PDZRN3: variants seen among roughly 807,000 people sequenced by gnomAD.
The protein encoded by PDZRN3 is E3 ubiquitin-protein ligase PDZRN3.
PDZRN3 carries 38 observed loss-of-function variants against 85.7 expected under a neutral mutation model. That is an observed-to-expected ratio of 0.44 (90% CI 0.34 to 0.58). PDZRN3 has a LOEUF of 0.58. Among genes scored for constraint, PDZRN3 ranks in the 20% least tolerant of loss-of-function variants. The probability of loss-of-function intolerance (pLI) is 0.01; values close to 1 mark genes in which losing one functional copy is unlikely to be tolerated. For missense variants in PDZRN3, 1,629 were observed against 1,506.4 expected, an observed-to-expected ratio of 1.08 and a Z score of -1.35; for synonymous variants, 759 against 638.0, an observed-to-expected ratio of 1.19 and a Z score of -2.86.
intron 3 of PDZRN3, among the ~76,000 whole-genome samples, chr3:73,466,155 C>T (rs542372703): frequency 6.6e-6 from 1 of 152,242 alleles, no homozygotes; most frequent in South Asian, 2.1e-4. Flanking sequence ...CTGTAATTGG[C>T]AGTTCCATTT....
chr3:73,568,663 C>T (rs912351170), intron 3 of PDZRN3, among the ~76,000 whole-genome samples: 1 of 152,204 alleles, frequency 6.6e-6, no homozygotes, highest in Non-Finnish European at 1.5e-5. Flanking sequence ...TAGCACATGG[C>T]AGCAGAGGCA....
intron 7 of PDZRN3, among the ~76,000 whole-genome samples, chr3:73,389,322 G>C (rs1701469815): frequency 6.6e-6 from 1 of 152,152 alleles, no homozygotes; most frequent in African/African-American, 2.4e-5. Context: ...GCGATTCCAG[G>C]ATGGTTAGAT....
intron 3 of PDZRN3, among the ~76,000 whole-genome samples, chr3:73,439,965 T>C (rs561077474): frequency 6.6e-6 from 1 of 152,236 alleles, no homozygotes; most frequent in Non-Finnish European, 1.5e-5. Flanking sequence ...CTTGAACTCC[T>C]GACCTCAAAT....
chr3:73,608,792 A>G, intron 1 of PDZRN3, 108 bp from the exon 2 acceptor site: 1 of 687,130 alleles, frequency 1.5e-6, no homozygotes, highest in Non-Finnish European at 2.5e-6. Context: ...AATCATTACA[A>G]ATCCTGTTAT....
At chr3:73,609,814 A>T (rs1266274199) in intron 1 of PDZRN3, among the ~76,000 whole-genome samples, 2 of 152,312 alleles carry the variant, frequency 1.3e-5, no homozygotes, top group East Asian at 3.9e-4. Flanking sequence ...GCATGAATGC[A>T]ACTCTCTGAC....
intron 3 of PDZRN3, among the ~76,000 whole-genome samples, chr3:73,524,147 T>C (rs1294597926): frequency 6.6e-6 from 1 of 152,168 alleles, no homozygotes; most frequent in African/African-American, 2.4e-5. Flanking sequence ...CTATTTAATA[T>C]AGAATCCTGC....
intron 3 of PDZRN3, among the ~76,000 whole-genome samples, chr3:73,504,147 T>A (rs1704031229): frequency 6.6e-6 from 1 of 152,236 alleles, no homozygotes; most frequent in Admixed American, 6.5e-5. Context: ...TCTCTCCAGA[T>A]GCCCACCTGA....
At position 73,424,098 on chromosome 3, in the gene PDZRN3, G is replaced by A. The variant is rs377136896; in HGVS notation, c.919-19703C>T. On this transcript the variant is annotated intron_variant, in intron 3 of 9. Transcript: ENST00000263666. ...ACAAAATTTATATAAAACTTTGGGAGGAAAATATAAGTAAATATCTTTCTG... is the reference window on the plus strand; with the variant it reads ...ACAAAATTTATATAAAACTTTGGGAAGAAAATATAAGTAAATATCTTTCTG... Among the ~76,000 whole-genome samples, 178 of 152,004 alleles carry A rather than the reference G, an allele frequency of 1.2e-3. 3 individuals carry two copies. Among genetic ancestry groups the A allele is most frequent in the African/African-American group, 4.2e-3 (176 of 41,466 alleles).
chr3:73,450,601 T>C (rs1158482995), intron 3 of PDZRN3, among the ~76,000 whole-genome samples: 2 of 152,238 alleles, frequency 1.3e-5, no homozygotes, highest in East Asian at 3.8e-4. Context: ...AATACATACA[T>C]ACATTCCAAA....
intron 9 of PDZRN3, 63 bp downstream of exon 9, chr3:73,385,606 A>T: frequency 1.0e-6 from 1 of 973,470 alleles, no homozygotes; most frequent in Non-Finnish European, 1.6e-6. Context: ...AGGGAGATGG[A>T]GGAAGCAGAT....
rs1044211116 is a variant in PDZRN3 at position 73,501,827 on chromosome 3, C to A, written c.919-97432G>T. 3.8e-4 allele frequency among the ~76,000 whole-genome samples: 57 copies of A among 151,954 alleles called. 1 individual carries two copies. The highest frequency in any genetic ancestry group is 1.3e-3 in the African/African-American group (55 of 41,356). On this transcript the variant is annotated intron_variant, in intron 3 of 9. Coordinates refer to ENST00000263666, the MANE Select transcript of PDZRN3 (RefSeq NM_015009.3). ...GTCAGGAGTTCAAGAACAGCCTGGCCAACATGGTGAAACCCCATCTCTGCT... is the reference window on the plus strand; with the variant it reads ...GTCAGGAGTTCAAGAACAGCCTGGCAAACATGGTGAAACCCCATCTCTGCT...
At chr3:73,543,514 T>C (rs1372964231) in intron 3 of PDZRN3, among the ~76,000 whole-genome samples, 1 of 152,256 alleles carries the variant, frequency 6.6e-6, no homozygotes, top group Non-Finnish European at 1.5e-5. Context: ...TCTCGCATGC[T>C]TGCAATGCTA....
intron 3 of PDZRN3, among the ~76,000 whole-genome samples, chr3:73,521,722 G>A (rs1179442232): frequency 5.9e-5 from 9 of 152,032 alleles, no homozygotes; most frequent in Non-Finnish European, 1.0e-4. Flanking sequence ...ACCCTGCAAC[G>A]CCTCTCCAAG....
intron 3 of PDZRN3, among the ~76,000 whole-genome samples, chr3:73,496,198 A>G (rs542658671): frequency 7.9e-5 from 12 of 152,320 alleles, no homozygotes; most frequent in Admixed American, 7.2e-4. Context: ...AATAAAAAAT[A>G]CCCTGTACCC....
At chr3:73,574,662 T>C (rs1702097264) in intron 3 of PDZRN3, among the ~76,000 whole-genome samples, 1 of 152,212 alleles carries the variant, frequency 6.6e-6, no homozygotes, top group South Asian at 2.1e-4. Context: ...TTTCTCCATA[T>C]TGGTCAGGCC....
intron 3 of PDZRN3, among the ~76,000 whole-genome samples, chr3:73,423,678 T>TTA (rs966598363): frequency 3.3e-5 from 5 of 152,182 alleles, no homozygotes; most frequent in African/African-American, 1.2e-4. Context: ...GAAGAATGCT[T>TTA]TATATATATA....
intron 3 of PDZRN3, among the ~76,000 whole-genome samples, chr3:73,444,849 G>A (rs1001403526): frequency 6.6e-6 from 1 of 152,210 alleles, no homozygotes; most frequent in Non-Finnish European, 1.5e-5. Flanking sequence ...ACAGACATAG[G>A]GAAAAACAAG....
At chr3:73,453,679 C>T (rs1207332744) in intron 3 of PDZRN3, among the ~76,000 whole-genome samples, 2 of 151,954 alleles carry the variant, frequency 1.3e-5, no homozygotes, top group Non-Finnish European at 2.9e-5. Context: ...TAATGCAAAA[C>T]ACAGTTTGAA....
At chr3:73,387,107 C>T (rs149849267) in intron 8 of PDZRN3, among the ~76,000 whole-genome samples, 267 of 152,338 alleles carry the variant, frequency 1.8e-3, no homozygotes, top group African/African-American at 5.8e-3. Context: ...CCACGTAAGA[C>T]GTGCCTTTTG....
Sources: gnomAD v4.1 joint callset for allele counts (sites outside exome capture counted in the v4.1 genomes callset) on GRCh38, gnomAD v4.1.1 for gene constraint, MANE v1.5 for transcripts, NCBI Gene and HGNC (gene_info 2026-07-23, HGNC 2026-07-21) for gene names.